The following CPNE6 variants were observed in gnomAD, a reference collection of about 807,000 sequenced individuals.
CPNE6 encodes the protein copine 6, also known as copine-6.
In CPNE6, 33 loss-of-function variants were observed where a neutral mutation model predicts 71.5. That is an observed-to-expected ratio of 0.46 (90% CI 0.35 to 0.62). The LOEUF (loss-of-function observed/expected upper bound fraction) is 0.62, where lower values mean the gene tolerates loss of function less well. Among genes scored for constraint, CPNE6 ranks in the 20% least tolerant of loss-of-function variants. The probability of loss-of-function intolerance (pLI) is 0.00; values close to 1 mark genes in which losing one functional copy is unlikely to be tolerated. For synonymous variants in CPNE6, 296 were observed against 293.0 expected, an observed-to-expected ratio of 1.01 and a Z score of -0.10; for missense variants, 576 against 747.3, an observed-to-expected ratio of 0.77 and a Z score of 2.67.
At chr14:24,071,685 G>C (rs1292187145) in intron 2 of CPNE6, 44 bp downstream of exon 1, 1 of 706,172 alleles carries the variant, frequency 1.4e-6, no homozygotes, top group African/African-American at 1.8e-5. Flanking sequence ...GCCCAGCCCA[G>C]CTTGGCCCAG....
rs2035970188 is a variant in CPNE6, at chr14:24,073,633, C to T, written c.303C>T (p.Pro101=). ...ATGCCGAGGACGGAGCCACCAGCCC[C>T]CGAAATGATACCTTCCTCGGCTCTA... The change falls in exon 4 of 18, where the codon CCC becomes CCT. Residue 101 remains proline, a synonymous_variant. Transcript: ENST00000397016. The surrounding 1 kb of genome is among the most constrained non-coding windows in gnomAD (Gnocchi z 5.5). 6.2e-7 allele frequency: 1 copy of T among 1,613,890 alleles called. No individual in the cohort carries two copies. The highest frequency in any genetic ancestry group is 1.7e-5 in the Admixed American group (1 of 60,000).
Position 24,074,603 on chromosome 14 carries a change from T to C in CPNE6, c.571T>C (p.Trp191Arg). 1.9e-6 allele frequency: 3 copies of C among 1,614,120 alleles called. No individual in the cohort carries two copies. The highest frequency in any genetic ancestry group is 1.7e-6 in the Non-Finnish European group (2 of 1,180,000). ...CGAGGACCAAAGTGATCAGCTGGTC[T>C]GGAGAACTGAGGTTGGTGCCTGGGG... The change falls in exon 7 of 18, where the codon TGG (tryptophan) becomes CGG (arginine). Residue 191 changes from tryptophan to arginine, a missense_variant. Physicochemically the swap from Trp to Arg is moderately radical, Grantham distance 101 (BLOSUM62 -3). Transcript: ENST00000397016. This position sits in a 1 kb window ranked among gnomAD's most constrained non-coding sequence, Gnocchi z 4.5.
intron 1 of CPNE6, 82 bp from the exon 1 acceptor site, chr14:24,071,480 C>G: frequency 6.5e-7 from 1 of 1,527,860 alleles, no homozygotes; most frequent in South Asian, 1.2e-5. Flanking sequence ...AATCCATCCA[C>G]GCGGGGGGAG....
At position 24,075,838 on chromosome 14, in the gene CPNE6, G is replaced by A; in HGVS notation, c.876G>A (p.Val292=). ...CTCCCTACCTCCAGGTGGAGAAGGT[G>A]CACACCTTCCTGGATTACATCATGG... The change falls in exon 11 of 18, where the codon GTG becomes GTA. Residue 292 remains valine (V), a synonymous_variant. Coordinates refer to ENST00000397016, the Ensembl canonical transcript of CPNE6. The surrounding 1 kb of genome is among the most constrained non-coding windows in gnomAD (Gnocchi z 4.3). The A allele has an allele frequency of 6.2e-7, 1 of 1,614,048 alleles. No individual in the cohort carries two copies. The highest frequency in any genetic ancestry group is 1.6e-4 in the Middle Eastern group (1 of 6,062).
rs2036029185 is a variant in CPNE6 at position 24,075,432 on chromosome 14, A to G, written c.778-73A>G. ...GGAACCATGGGGGTCTTGCTCTGGG[A>G]GGCTCTGCTGGAAGGGAGAAAGAGG... On this transcript the variant is annotated intron_variant, in intron 9 of 17. Coordinates refer to ENST00000397016, the Ensembl canonical transcript of CPNE6. This position sits in a 1 kb window ranked among gnomAD's most constrained non-coding sequence, Gnocchi z 4.3. 2 of 1,486,526 alleles carry G rather than the reference A, an allele frequency of 1.3e-6. No individual in the cohort carries two copies. The allele number at this position is 1,486,526 out of a possible 1,614,324, so 92.1% of individuals were successfully genotyped here.
Position 24,073,254 on chromosome 14 carries a change from CA to C in CPNE6, c.168+151del. ...CTTGGGTACCCTGGAGATGGTGTCC[CA>C]GAGGGTCCTGAGATTGACCCAGAGG... On this transcript the variant is annotated intron_variant, in intron 3 of 17. Transcript: ENST00000397016. This position sits in a 1 kb window ranked among gnomAD's most constrained non-coding sequence, Gnocchi z 5.5. The C allele has an allele frequency of 5.3e-6, 5 of 937,290 alleles. No individual in the cohort carries two copies. The highest frequency in any genetic ancestry group is 7.5e-6 in the Non-Finnish European group (5 of 668,606). 58.1% of individuals were successfully genotyped at this position (937,290 alleles called of 1,614,324 possible).
rs749702923 is a variant in CPNE6, at chr14:24,075,920, G to A, written c.924+34G>A. ...TCAGAGGGAGGGCACACAGGCAAGA[G>A]GGAGGGGCTGAGTCCATAGTGAAAG... On this transcript the variant is annotated intron_variant, in intron 11 of 17. Transcript: ENST00000397016. This position sits in a 1 kb window ranked among gnomAD's most constrained non-coding sequence, Gnocchi z 4.3. The A allele has an allele frequency of 1.9e-6, 3 of 1,610,924 alleles. No individual in the cohort carries two copies. The highest frequency in any genetic ancestry group is 2.5e-6 in the Non-Finnish European group (3 of 1,177,344).
At chr14:24,072,271 G>C (rs1486328071) in intron 2 of CPNE6, 1 of 152,254 alleles carries the variant, frequency 6.6e-6, no homozygotes, top group Non-Finnish European at 1.5e-5. Flanking sequence ...AGGGGAGGTG[G>C]GGAGGGATGT....
At chr14:24,076,840 C>T in intron 14 of CPNE6, 39 bp from the exon 14 acceptor site, 1 of 1,609,368 alleles carries the variant, frequency 6.2e-7, no homozygotes. Flanking sequence ...GGGGGCCCTG[C>T]TCATTTCTGC....
At chr14:24,076,479 C>G in intron 13 of CPNE6, 27 bp from the exon 13 acceptor site, 1 of 1,614,158 alleles carries the variant, frequency 6.2e-7, no homozygotes, top group Non-Finnish European at 8.5e-7. Context: ...AAGGCAGGCC[C>G]TCACTGCTCC....
rs2035957531 is a variant in CPNE6 at position 24,073,230 on chromosome 14, TTGGGTA to T, written c.168+127_168+132del. ...CTCTGCGGCGCCTTCTCGAGGCCGC[TTGGGTA>T]CCCTGGAGATGGTGTCCCAGAGGGT... On this transcript the variant is annotated intron_variant, in intron 3 of 17. Transcript: ENST00000397016. The surrounding 1 kb of genome is among the most constrained non-coding windows in gnomAD (Gnocchi z 5.5). 9.0e-7 allele frequency: 1 copy of T among 1,107,404 alleles called. No homozygotes were observed. Among genetic ancestry groups the T allele is most frequent in the African/African-American group, 1.6e-5 (1 of 61,492 alleles). The allele number at this position is 1,107,404 out of a possible 1,614,324, so 68.6% of individuals were successfully genotyped here.
At position 24,071,178 on chromosome 14, in the gene CPNE6, G is replaced by A. The variant is rs193038380; in HGVS notation, c.-120+150G>A. 8.9e-5 allele frequency: 92 copies of A among 1,030,734 alleles called. No individual in the cohort carries two copies. The African/African-American group carries it at 1.1e-3, about 13-fold the overall frequency. 63.8% of individuals were successfully genotyped at this position (1,030,734 alleles called of 1,614,324 possible). A position where few individuals can be genotyped will look rare whatever the true frequency, so the allele number is the denominator to read the frequency against. ...GTATCCGCCGGGGGCTGTAACTGTC[G>A]TGGTGTCACAGTGAGTTTATGTACT... On this transcript the variant is annotated intron_variant, in intron 1 of 17. Transcript: ENST00000397016.
At chr14:24,071,443 C>A in intron 1 of CPNE6, 119 bp from the exon 1 acceptor site, 3 of 1,498,858 alleles carry the variant, frequency 2.0e-6, no homozygotes, top group Admixed American at 2.1e-5. Context: ...CAGGCTGTGG[C>A]CCTGCCCCTT....
In CPNE6 at chr14:24,073,920, G is replaced by C. The variant is rs2035979099; in HGVS notation, c.349-131G>C. The C allele has an allele frequency of 7.6e-6, 7 of 916,878 alleles. No homozygotes were observed. In the Admixed American group the frequency reaches 1.4e-4, roughly 19 times the overall value. The allele number at this position is 916,878 out of a possible 1,614,324, so 56.8% of individuals were successfully genotyped here. A position where few individuals can be genotyped will look rare whatever the true frequency, so the allele number is the denominator to read the frequency against. The stretch of plus-strand genomic sequence containing the variant: ...CCCTCTTCAGACTATTGTAAAAATT[G>C]AGCCCAACCCTAGCCCAACTCAAAG... On this transcript the variant is annotated intron_variant, in intron 4 of 17. Coordinates refer to ENST00000397016, the Ensembl canonical transcript of CPNE6. The surrounding 1 kb of genome is among the most constrained non-coding windows in gnomAD (Gnocchi z 5.5).
At position 24,073,116 on chromosome 14, in the gene CPNE6, T is replaced by C; in HGVS notation, c.168+12T>C. ...AGCAGTGGGTGGAGGTGAGAGCAGC[T>C]CAGGTTTCTCCTTAACTAACCTGGG... On this transcript the variant is annotated intron_variant, in intron 3 of 17. Transcript: ENST00000397016. The surrounding 1 kb of genome is among the most constrained non-coding windows in gnomAD (Gnocchi z 5.5). The C allele has an allele frequency of 6.9e-7, 1 of 1,443,400 alleles. No individual in the cohort carries two copies. Among genetic ancestry groups the C allele is most frequent in the Non-Finnish European group, 9.1e-7 (1 of 1,098,044 alleles). The allele number at this position is 1,443,400 out of a possible 1,614,324, so 89.4% of individuals were successfully genotyped here.
rs1353121135 is a variant in CPNE6, at chr14:24,075,370, G to A, written c.777+94G>A. ...GAGACCACCATAGGTGATAGGAAGTGGAGAGGGTGGAAAGCACCTGGGCTC... is the reference window on the plus strand; with the variant it reads ...GAGACCACCATAGGTGATAGGAAGTAGAGAGGGTGGAAAGCACCTGGGCTC... On this transcript the variant is annotated intron_variant, in intron 9 of 17. Transcript: ENST00000397016. This position sits in a 1 kb window ranked among gnomAD's most constrained non-coding sequence, Gnocchi z 4.3. The A allele has an allele frequency of 2.9e-6, 4 of 1,390,054 alleles. No individual in the cohort carries two copies. The highest frequency in any genetic ancestry group is 4.1e-6 in the Non-Finnish European group (4 of 978,068). The allele number at this position is 1,390,054 out of a possible 1,614,324, so 86.1% of individuals were successfully genotyped here.
At chr14:24,071,380 G>T in intron 1 of CPNE6, 182 bp from the exon 1 acceptor site, 1 of 1,445,670 alleles carries the variant, frequency 6.9e-7, no homozygotes, top group Non-Finnish European at 9.1e-7. Context: ...TGGGGGTCCT[G>T]CCTCTAAGCC....
exon 15 of CPNE6, chr14:24,076,966 G>A (rs765654269): frequency 1.3e-5 from 21 of 1,612,630 alleles, no homozygotes; most frequent in East Asian, 6.7e-5. Context: ...ATCATCAACC[G>A]TGTGGCTGAG....
chr14:24,071,486 G>C, intron 1 of CPNE6, 76 bp from the exon 1 acceptor site: 1 of 1,529,420 alleles, frequency 6.5e-7, no homozygotes, highest in Non-Finnish European at 8.7e-7. Flanking sequence ...TCCACGCGGG[G>C]GGAGCTGGTG....
Sources: gnomAD v4.1 joint callset for allele counts on GRCh38, gnomAD v4.1.1 for gene constraint, Gnocchi (gnomAD v3.1) non-coding constraint, MANE v1.5 for transcripts, NCBI Gene and HGNC (gene_info 2026-07-23, HGNC 2026-07-21) for gene names.